XKR6: variants seen among roughly 807,000 people sequenced by gnomAD.
XKR6 encodes XK-related protein 6.
A neutral mutation model predicts 56.7 loss-of-function variants in XKR6; 22 were observed. The observed-to-expected ratio is 0.39, with a 90% CI of 0.28 to 0.55. XKR6 has a LOEUF of 0.55. Ranked by LOEUF, XKR6 falls within the 20% of genes least tolerant of loss-of-function variation. The pLI is 0.66. For missense variants in XKR6, 852 were observed against 889.0 expected (o/e 0.96, Z 0.53); for synonymous variants, 524 against 387.8 (o/e 1.35, Z -4.13).
chr8:11,131,254 A>G (rs931071585), intron 1 of XKR6, among the ~76,000 whole-genome samples: 5 of 152,132 alleles, frequency 3.3e-5, no homozygotes, highest in Non-Finnish European at 5.9e-5. Flanking sequence ...AGATGATTCA[A>G]CTGTATCCTA....
chr8:10,975,236 C>A (rs1357487789), intron 1 of XKR6, among the ~76,000 whole-genome samples: 1 of 152,238 alleles, frequency 6.6e-6, no homozygotes, highest in Non-Finnish European at 1.5e-5. Flanking sequence ...GCTGCCCCGG[C>A]AGGGGGAGTG....
At chr8:10,980,091 T>C (rs1797694601) in intron 1 of XKR6, among the ~76,000 whole-genome samples, 1 of 152,184 alleles carries the variant, frequency 6.6e-6, no homozygotes, top group East Asian at 1.9e-4. Flanking sequence ...TGAGATGCTC[T>C]ATGCAGGCCT....
intron 1 of XKR6, among the ~76,000 whole-genome samples, chr8:11,099,029 C>T (rs1209868587): frequency 6.6e-6 from 1 of 152,118 alleles, no homozygotes. Flanking sequence ...TTCCCCCTTC[C>T]CTAGCCCCTG....
At chr8:10,997,118 C>A (rs113025378) in intron 1 of XKR6, among the ~76,000 whole-genome samples, 12 of 152,172 alleles carry the variant, frequency 7.9e-5, no homozygotes, top group African/African-American at 2.9e-4. Context: ...CTCATTATTT[C>A]TTTTCTCAAA....
At chr8:11,115,932 T>G (rs913136469) in intron 1 of XKR6, among the ~76,000 whole-genome samples, 1 of 152,266 alleles carries the variant, frequency 6.6e-6, no homozygotes, top group African/African-American at 2.4e-5. Context: ...TGAAATGTTT[T>G]GACTCTGAAG....
At chr8:11,035,352 CAGG>C (rs1431415578) in intron 1 of XKR6, 1 of 534,072 alleles carries the variant, frequency 1.9e-6, no homozygotes, top group Non-Finnish European at 3.9e-6. Context: ...ATGCAGGAGC[CAGG>C]AGATCAAATC....
At chr8:10,996,266 G>C (rs988404296) in intron 1 of XKR6, among the ~76,000 whole-genome samples, 3 of 152,186 alleles carry the variant, frequency 2.0e-5, no homozygotes, top group Admixed American at 1.3e-4. Flanking sequence ...GTGTGGAACA[G>C]TGGGCCCCCT....
chr8:11,049,230 C>T (rs62490743), intron 1 of XKR6, among the ~76,000 whole-genome samples: 56,352 of 151,790 alleles, frequency 0.37, 12,148 homozygotes, highest in East Asian at 0.79. Context: ...GCAAGGCACC[C>T]ACTGGCTTAA....
chr8:11,069,982 T>C (rs1800076054), intron 1 of XKR6, among the ~76,000 whole-genome samples: 1 of 152,226 alleles, frequency 6.6e-6, no homozygotes. Context: ...ACTTCCGCCC[T>C]TCTGCAGGCA....
chr8:11,053,009 G>A (rs553496169), intron 1 of XKR6, among the ~76,000 whole-genome samples: 9 of 152,302 alleles, frequency 5.9e-5, no homozygotes, highest in African/African-American at 2.2e-4. Context: ...AGAGAGCACT[G>A]CGCGGGGTCC....
chr8:11,023,855 C>T (rs930551466), intron 1 of XKR6, among the ~76,000 whole-genome samples: 6 of 152,178 alleles, frequency 3.9e-5, no homozygotes, highest in African/African-American at 1.2e-4. Flanking sequence ...TACCAGGGTA[C>T]GATGTCCTTC....
At chr8:11,002,505 C>A in intron 1 of XKR6, 1 of 358,110 alleles carries the variant, frequency 2.8e-6, no homozygotes, top group Non-Finnish European at 5.9e-6. Flanking sequence ...CCAACCGATA[C>A]ACTGAGCAAG....
intron 1 of XKR6, among the ~76,000 whole-genome samples, chr8:11,154,875 T>C (rs1459843061): frequency 6.6e-6 from 1 of 152,196 alleles, no homozygotes; most frequent in African/African-American, 2.4e-5. Flanking sequence ...TTCCCAGTAG[T>C]CTACAATTCT....
intron 1 of XKR6, among the ~76,000 whole-genome samples, chr8:11,095,378 T>C (rs962311355): frequency 1.3e-5 from 2 of 152,242 alleles, no homozygotes; most frequent in African/African-American, 4.8e-5. Flanking sequence ...AAGAAGCTAC[T>C]TGCTGTAGTG....
At chr8:10,948,917 G>A (rs116482550) in intron 1 of XKR6, among the ~76,000 whole-genome samples, 2 of 152,216 alleles carry the variant, frequency 1.3e-5, no homozygotes, top group East Asian at 1.9e-4. Flanking sequence ...ATGTCCACAT[G>A]TTAGAGCCCA....
chr8:10,984,728 C>G (rs868749730), intron 1 of XKR6, among the ~76,000 whole-genome samples: 4 of 66,870 alleles, frequency 6.0e-5, no homozygotes, highest in African/African-American at 2.0e-4. Flanking sequence ...CTCTCTCTCT[C>G]TCTCTATATA....
At chr8:11,018,935 C>A (rs945016573) in intron 1 of XKR6, among the ~76,000 whole-genome samples, 5 of 152,304 alleles carry the variant, frequency 3.3e-5, no homozygotes, top group South Asian at 2.1e-4. Context: ...TCTCCTGCCA[C>A]CATGCTCATC....
At chr8:11,162,495 T>A (rs568873966) in intron 1 of XKR6, among the ~76,000 whole-genome samples, 65 of 152,364 alleles carry the variant, frequency 4.3e-4, no homozygotes, top group African/African-American at 7.0e-4. Context: ...CTCTCTTTTT[T>A]AATTATAATC....
intron 1 of XKR6, among the ~76,000 whole-genome samples, chr8:10,986,252 T>C (rs1797861868): frequency 6.6e-6 from 1 of 152,222 alleles, no homozygotes; most frequent in South Asian, 2.1e-4. Context: ...GGATACCAAC[T>C]TCACAACGTA....
Sources: gnomAD v4.1 joint callset for allele counts (sites outside exome capture counted in the v4.1 genomes callset) on GRCh38, gnomAD v4.1.1 for gene constraint, MANE v1.5 for transcripts, NCBI Gene and HGNC (gene_info 2026-07-23, HGNC 2026-07-21) for gene names.